BRINP1: variants seen among roughly 807,000 people sequenced by gnomAD.
The protein encoded by BRINP1 is BMP/retinoic acid-inducible neural-specific protein 1.
A neutral mutation model predicts 72.9 loss-of-function variants in BRINP1; 17 were observed. The ratio of observed to expected loss-of-function variants is 0.23; its 90% CI spans 0.16 to 0.35. BRINP1 has a LOEUF of 0.35. Among genes scored for constraint, BRINP1 ranks in the 10% least tolerant of loss-of-function variants. The pLI is 1.00. For synonymous variants in BRINP1, 418 were observed against 378.5 expected, an observed-to-expected ratio of 1.10 and a Z score of -1.21; for missense variants, 850 against 1,001.6, an observed-to-expected ratio of 0.85 and a Z score of 2.04.
chr9:119,180,827 G>T (rs1333721066), intron 7 of BRINP1, among the ~76,000 whole-genome samples: 1 of 152,118 alleles, frequency 6.6e-6, no homozygotes, highest in African/African-American at 2.4e-5. Context: ...ACGGTCCCTT[G>T]TCATGCTGAA....
At chr9:119,283,166 G>A in intron 2 of BRINP1, 1 of 984,950 alleles carries the variant, frequency 1.0e-6, no homozygotes, top group Non-Finnish European at 1.2e-6. Context: ...GTTCTTTCTG[G>A]GCCTCCTTGA....
At position 119,166,871 on chromosome 9, in the gene BRINP1, T is replaced by C. The variant is rs531327256; in HGVS notation, c.*213A>G. ...CACAAAAGGCTGAGACCCTTCTTCATGACAGAGTGAGTATAGAAATAACAA... is the reference window on the plus strand; with the variant it reads ...CACAAAAGGCTGAGACCCTTCTTCACGACAGAGTGAGTATAGAAATAACAA... On this transcript the variant is annotated 3_prime_UTR_variant, in exon 8 of 8. Transcript: ENST00000265922. The C allele has an allele frequency of 7.9e-5, 43 of 545,826 alleles. No homozygotes were observed. The South Asian group carries it at 9.4e-4, about 12-fold the overall frequency. 33.8% of individuals were successfully genotyped at this position (545,826 alleles called of 1,614,324 possible). A position where few individuals can be genotyped will look rare whatever the true frequency, so the allele number is the denominator to read the frequency against.
chr9:119,365,070 G>A (rs1341563722), intron 1 of BRINP1, among the ~76,000 whole-genome samples: 4 of 152,202 alleles, frequency 2.6e-5, no homozygotes, highest in Non-Finnish European at 5.9e-5. Flanking sequence ...ACTGAAGAGG[G>A]TAAGATAGAC....
At chr9:119,325,860 CTT>C (rs1831234693) in intron 1 of BRINP1, among the ~76,000 whole-genome samples, 1 of 152,194 alleles carries the variant, frequency 6.6e-6, no homozygotes, top group Non-Finnish European at 1.5e-5. Flanking sequence ...CTCAACTCAT[CTT>C]GTTCTCCAGA....
intron 1 of BRINP1, among the ~76,000 whole-genome samples, chr9:119,315,421 A>G (rs1186208679): frequency 2.0e-5 from 3 of 152,050 alleles, no homozygotes; most frequent in Admixed American, 6.5e-5. Flanking sequence ...CATGAACTGG[A>G]CCCATATAAG....
intron 2 of BRINP1, among the ~76,000 whole-genome samples, chr9:119,295,580 A>C (rs7030105): frequency 0.48 from 72,354 of 152,006 alleles, 18,018 homozygotes; most frequent in African/African-American, 0.61. Context: ...TCATATAGGA[A>C]CACTGTCATA....
chr9:119,190,660 A>G (rs148712231), intron 7 of BRINP1, among the ~76,000 whole-genome samples: 2 of 151,982 alleles, frequency 1.3e-5, no homozygotes, highest in East Asian at 3.9e-4. Flanking sequence ...GTAATATTTA[A>G]AAACCTTCCA....
rs139400660 is a variant in BRINP1, at chr9:119,314,783, G to A, written c.-50-1378C>T. ...TTCCTGACATTCAGTTTCCTTATCTGCAAAATGTGGTTAATAATAGCACCT... is the reference window on the plus strand; with the variant it reads ...TTCCTGACATTCAGTTTCCTTATCTACAAAATGTGGTTAATAATAGCACCT... On this transcript the variant is annotated intron_variant, in intron 1 of 7. Coordinates refer to ENST00000265922, the MANE Select transcript of BRINP1 (RefSeq NM_014618.3). Among the ~76,000 whole-genome samples, 249 of 152,258 alleles carry A rather than the reference G, an allele frequency of 1.6e-3. 1 individual carries two copies. The highest frequency in any genetic ancestry group is 4.8e-3 in the African/African-American group (198 of 41,552).
chr9:119,301,440 A>G (rs1297067271), intron 2 of BRINP1, among the ~76,000 whole-genome samples: 1 of 152,244 alleles, frequency 6.6e-6, no homozygotes, highest in East Asian at 1.9e-4. Context: ...GACCATTTAC[A>G]TAATATTTTG....
chr9:119,358,837 A>T (rs1396836698), intron 1 of BRINP1, among the ~76,000 whole-genome samples: 1 of 152,216 alleles, frequency 6.6e-6, no homozygotes, highest in East Asian at 1.9e-4. Context: ...TAGAGAATTT[A>T]AAAATCTGCC....
At chr9:119,237,769 C>T (rs1407976881) in intron 5 of BRINP1, among the ~76,000 whole-genome samples, 2 of 152,064 alleles carry the variant, frequency 1.3e-5, no homozygotes, top group African/African-American at 4.8e-5. Context: ...TCAAACGATT[C>T]TCCTGCCTCA....
intron 1 of BRINP1, among the ~76,000 whole-genome samples, chr9:119,354,664 A>G (rs1831540531): frequency 6.6e-6 from 1 of 151,784 alleles, no homozygotes; most frequent in Non-Finnish European, 1.5e-5. Context: ...GTTCAAGACC[A>G]GCCTGGGCAA....
intron 1 of BRINP1, 25 bp from the exon 2 acceptor site, chr9:119,313,430 G>C: frequency 6.6e-7 from 1 of 1,512,282 alleles, no homozygotes; most frequent in Non-Finnish European, 8.8e-7. Flanking sequence ...ATAAAAAAGA[G>C]AGAGAAAAAA....
chr9:119,174,888 A>G (rs1224929263), intron 7 of BRINP1, among the ~76,000 whole-genome samples: 3 of 148,322 alleles, frequency 2.0e-5, no homozygotes, highest in African/African-American at 5.0e-5. Context: ...AACACCGCAT[A>G]TTCTCACTCA....
chr9:119,330,482 C>T (rs145017813), intron 1 of BRINP1, among the ~76,000 whole-genome samples: 2,346 of 152,248 alleles, frequency 0.015, 41 homozygotes, highest in South Asian at 0.088. Context: ...TCTCTGGAGG[C>T]CTTTATTTGA....
intron 7 of BRINP1, among the ~76,000 whole-genome samples, chr9:119,190,927 A>G (rs1348570706): frequency 6.6e-6 from 1 of 152,028 alleles, no homozygotes; most frequent in Non-Finnish European, 1.5e-5. Flanking sequence ...GCTGAATTTA[A>G]CAACACATCT....
At chr9:119,324,977 G>C (rs1418147176) in intron 1 of BRINP1, among the ~76,000 whole-genome samples, 1 of 152,074 alleles carries the variant, frequency 6.6e-6, no homozygotes, top group African/African-American at 2.4e-5. Flanking sequence ...GTGCATGCCT[G>C]TAATCCCAGC....
intron 5 of BRINP1, among the ~76,000 whole-genome samples, chr9:119,223,987 C>T (rs558778899): frequency 2.6e-5 from 4 of 151,654 alleles, no homozygotes; most frequent in African/African-American, 7.2e-5. Context: ...CTTTTTTTTG[C>T]ATTCTTTCCA....
intron 5 of BRINP1, among the ~76,000 whole-genome samples, chr9:119,232,198 A>T (rs536898170): frequency 6.6e-6 from 1 of 152,208 alleles, no homozygotes; most frequent in South Asian, 2.1e-4. Flanking sequence ...TTCATTACCA[A>T]ATCATGTCAG....
Sources: gnomAD v4.1 joint callset for allele counts (sites outside exome capture counted in the v4.1 genomes callset) on GRCh38, gnomAD v4.1.1 for gene constraint, MANE v1.5 for transcripts, NCBI Gene and HGNC (gene_info 2026-07-23, HGNC 2026-07-21) for gene names.